WDPCP: variants seen among roughly 807,000 people sequenced by gnomAD.
WDPCP encodes the protein WD repeat containing planar cell polarity effector, also known as WD repeat-containing and planar cell polarity effector protein fritz homolog.
A neutral mutation model predicts 93.1 loss-of-function variants in WDPCP; 71 were observed. The observed-to-expected ratio is 0.76, with a 90% CI of 0.63 to 0.93. WDPCP has a LOEUF of 0.93. Among genes scored for constraint, WDPCP ranks in the 40% least tolerant of loss-of-function variants. The probability of loss-of-function intolerance (pLI) is 0.00; values close to 1 mark genes in which losing one functional copy is unlikely to be tolerated. For synonymous variants in WDPCP, 315 were observed against 315.0 expected (o/e 1.00, Z 0.00); for missense variants, 844 against 887.4 (o/e 0.95, Z 0.62).
chr2:63,294,289 A>G (rs6719375), intron 13 of WDPCP, among the ~76,000 whole-genome samples: 123,056 of 151,922 alleles, frequency 0.81, 50,606 homozygotes, highest in East Asian at 0.96. Flanking sequence ...AGATCACTTG[A>G]GGTCAGGAGT....
At chr2:63,641,580 T>C (rs1709980603) in intron 3 of WDPCP, among the ~76,000 whole-genome samples, 1 of 152,176 alleles carries the variant, frequency 6.6e-6, no homozygotes, top group Non-Finnish European at 1.5e-5. Flanking sequence ...GTTTGTTGTT[T>C]GCATGTCTTC....
chr2:63,592,082 T>C (rs1709210552), upstream of WDPCP, among the ~76,000 whole-genome samples: 1 of 152,176 alleles, frequency 6.6e-6, no homozygotes, highest in Non-Finnish European at 1.5e-5. Context: ...TTTTAGAAAA[T>C]TGGTGTATCC....
chr2:63,202,045 C>CT (rs35313695), intron 14 of WDPCP, among the ~76,000 whole-genome samples: 116 of 149,112 alleles, frequency 7.8e-4, no homozygotes, highest in East Asian at 9.8e-4. Context: ...TTCCTTCTGC[C>CT]TTTTTTTTTG....
intron 14 of WDPCP, among the ~76,000 whole-genome samples, chr2:63,236,615 G>A (rs950126976): frequency 6.6e-6 from 1 of 152,044 alleles, no homozygotes; most frequent in African/African-American, 2.4e-5. Flanking sequence ...GCATGGTACT[G>A]GTACAAAAAC....
At chr2:63,716,408 T>G (rs1669337056) in intron 2 of WDPCP, among the ~76,000 whole-genome samples, 1 of 152,226 alleles carries the variant, frequency 6.6e-6, no homozygotes, top group South Asian at 2.1e-4. Context: ...TTTAGTTCTT[T>G]TCTCTCACAA....
At chr2:63,170,307 C>G (rs1304616863) in intron 15 of WDPCP, among the ~76,000 whole-genome samples, 3 of 150,254 alleles carry the variant, frequency 2.0e-5, no homozygotes, top group East Asian at 3.9e-4. Flanking sequence ...GAGTCTCACT[C>G]TGTCACCCTG....
chr2:63,826,965 T>A (rs1671122369), intron 1 of WDPCP, among the ~76,000 whole-genome samples: 1 of 152,190 alleles, frequency 6.6e-6, no homozygotes, highest in Non-Finnish European at 1.5e-5. Context: ...TTTATTTGAC[T>A]TTTAGGTCTC....
chr2:63,254,399 A>G (rs12471158), intron 14 of WDPCP, among the ~76,000 whole-genome samples: 71,934 of 152,018 alleles, frequency 0.47, 19,774 homozygotes, highest in Non-Finnish European at 0.6. Context: ...TATTAAAGAA[A>G]AAAACTTCTA....
chr2:63,653,833 C>A (rs1250638209), intron 2 of WDPCP, among the ~76,000 whole-genome samples: 1 of 150,588 alleles, frequency 6.6e-6, no homozygotes, highest in Non-Finnish European at 1.5e-5. Context: ...TCACCTGAAG[C>A]CAGGAGACAA....
chr2:63,660,207 G>T lies in WDPCP; in HGVS notation n.309-9369C>A, dbSNP rs1710211853. Among the ~76,000 whole-genome samples, 2 of 151,704 alleles carry T rather than the reference G, an allele frequency of 1.3e-5. 1 individual carries two copies. Among genetic ancestry groups the T allele is most frequent in the South Asian group, 4.2e-4 (2 of 4,794 alleles). On this transcript the variant is annotated intron_variant and non_coding_transcript_variant, in intron 2 of 4. Coordinates refer to the WDPCP transcript ENST00000467687. Reference sequence around the variant, plus strand: ...AATTCATTATTAATTAATTTACCAGGACTACAAGTCCTAGATCAATTTCTA... The same window carrying T: ...AATTCATTATTAATTAATTTACCAGTACTACAAGTCCTAGATCAATTTCTA...
At chr2:63,376,292 GA>G (rs1482564276) in intron 12 of WDPCP, among the ~76,000 whole-genome samples, 2 of 151,824 alleles carry the variant, frequency 1.3e-5, no homozygotes, top group Admixed American at 1.3e-4. Context: ...TGCCCCAAGG[GA>G]AAACATCCAG....
chr2:63,544,661 A>G (rs901823227), intron 1 of WDPCP, among the ~76,000 whole-genome samples: 1 of 152,122 alleles, frequency 6.6e-6, no homozygotes, highest in Admixed American at 6.6e-5. Flanking sequence ...AGGACAACAG[A>G]GTAGTAGGCA....
chr2:63,198,313 T>G (rs1490888738), intron 14 of WDPCP, among the ~76,000 whole-genome samples: 1 of 152,154 alleles, frequency 6.6e-6, no homozygotes, highest in African/African-American at 2.4e-5. Context: ...AATTAAAGAG[T>G]TTTTACAGTA....
intron 1 of WDPCP, among the ~76,000 whole-genome samples, chr2:63,506,599 C>G (rs1348066611): frequency 2.0e-5 from 3 of 152,084 alleles, no homozygotes; most frequent in Admixed American, 1.3e-4. Flanking sequence ...TCAAAAAGCA[C>G]ACGTACTGGA....
At chr2:63,730,457 A>G (rs1456019527) in intron 2 of WDPCP, among the ~76,000 whole-genome samples, 3 of 152,038 alleles carry the variant, frequency 2.0e-5, no homozygotes, top group Non-Finnish European at 4.4e-5. Flanking sequence ...CTCTAGTAAT[A>G]CTGTCTTCTT....
upstream of WDPCP, chr2:63,593,195 G>C (rs1483864431): frequency 1.8e-5 from 3 of 165,528 alleles, no homozygotes; most frequent in Admixed American, 1.8e-4. Flanking sequence ...TGCCTCCCGG[G>C]TTCAAGTGAT....
chr2:63,602,733 C>T (rs1709448739), intron 3 of WDPCP, among the ~76,000 whole-genome samples: 1 of 152,078 alleles, frequency 6.6e-6, no homozygotes, highest in South Asian at 2.1e-4. Context: ...TGCACTCCAC[C>T]TCTATAATTT....
chr2:63,269,505 G>A (rs1469057627), intron 13 of WDPCP, among the ~76,000 whole-genome samples: 1 of 152,064 alleles, frequency 6.6e-6, no homozygotes, highest in Non-Finnish European at 1.5e-5. Flanking sequence ...ACTTCTGAAT[G>A]TGCTACCAGA....
chr2:63,222,293 C>A (rs1416286381), intron 14 of WDPCP, among the ~76,000 whole-genome samples: 1 of 152,164 alleles, frequency 6.6e-6, no homozygotes, highest in African/African-American at 2.4e-5. Flanking sequence ...ACTTACAATT[C>A]TACTGTTTAA....
Sources: gnomAD v4.1 joint callset for allele counts (sites outside exome capture counted in the v4.1 genomes callset) on GRCh38, gnomAD v4.1.1 for gene constraint, MANE v1.5 for transcripts, NCBI Gene and HGNC (gene_info 2026-07-23, HGNC 2026-07-21) for gene names.